The following ROBO2 variants were observed in gnomAD, a reference collection of about 807,000 sequenced individuals.
The protein encoded by ROBO2 is roundabout guidance receptor 2, also known as roundabout homolog 2.
ROBO2 carries 53 observed loss-of-function variants against 160.8 expected under a neutral mutation model. The observed-to-expected ratio is 0.33, with a 90% CI of 0.26 to 0.41. The LOEUF is 0.41. Among genes scored for constraint, ROBO2 ranks in the 10% least tolerant of loss-of-function variants. The pLI is 1.00. For synonymous variants in ROBO2, 664 were observed against 611.7 expected, an observed-to-expected ratio of 1.09 and a Z score of -1.26; for missense variants, 1,577 against 1,722.4, an observed-to-expected ratio of 0.92 and a Z score of 1.49.
At chr3:77,295,955 A>G (rs928569748) in intron 2 of ROBO2, among the ~76,000 whole-genome samples, 3 of 112,500 alleles carry the variant, frequency 2.7e-5, no homozygotes, top group Non-Finnish European at 6.2e-5. Context: ...TAAACGGGTA[A>G]GCTGAGGCTA....
intron 2 of ROBO2, among the ~76,000 whole-genome samples, chr3:76,734,887 T>C (rs868675458): frequency 1.3e-5 from 2 of 152,158 alleles, no homozygotes; most frequent in African/African-American, 4.8e-5. Flanking sequence ...TTTTCTCTCT[T>C]CAATAAATAA....
chr3:75,968,645 A>G (rs977673169), intron 2 of ROBO2, among the ~76,000 whole-genome samples: 1 of 151,602 alleles, frequency 6.6e-6, no homozygotes, highest in Non-Finnish European at 1.5e-5. Context: ...ATACAATATT[A>G]TTAACTATTG....
intron 2 of ROBO2, among the ~76,000 whole-genome samples, chr3:77,123,543 G>A (rs562144147): frequency 5.3e-5 from 8 of 152,076 alleles, no homozygotes; most frequent in African/African-American, 1.9e-4. Context: ...GCTTGTTTTG[G>A]TGTGTATTAA....
chr3:75,988,648 T>C (rs558495226), intron 2 of ROBO2, among the ~76,000 whole-genome samples: 2 of 152,228 alleles, frequency 1.3e-5, no homozygotes, highest in East Asian at 3.9e-4. Context: ...TTAGCACTTA[T>C]TTTACTATGT....
chr3:76,982,918 A>G (rs2060170715), intron 2 of ROBO2, among the ~76,000 whole-genome samples: 1 of 152,224 alleles, frequency 6.6e-6, no homozygotes, highest in Non-Finnish European at 1.5e-5. Flanking sequence ...TACATGAACA[A>G]CAAAATATTC....
At chr3:76,520,664 C>T (rs530632542) in intron 2 of ROBO2, among the ~76,000 whole-genome samples, 1 of 152,216 alleles carries the variant, frequency 6.6e-6, no homozygotes, top group East Asian at 1.9e-4. Context: ...ACTGTGGGAC[C>T]TTGGAGCCTC....
intron 2 of ROBO2, among the ~76,000 whole-genome samples, chr3:76,782,314 T>C (rs1309316236): frequency 6.6e-6 from 1 of 150,810 alleles, no homozygotes; most frequent in Non-Finnish European, 1.5e-5. Flanking sequence ...TCTGATCTAC[T>C]CTGGAGAATT....
intron 2 of ROBO2, among the ~76,000 whole-genome samples, chr3:76,038,788 G>GTGTA (rs1210529552): frequency 2.2e-5 from 1 of 46,044 alleles, no homozygotes; most frequent in Non-Finnish European, 3.8e-5. Context: ...GTGTGTGTGT[G>GTGTA]TGTATGTATG....
intron 7 of ROBO2, among the ~76,000 whole-genome samples, chr3:77,547,662 C>T (rs898149825): frequency 6.6e-6 from 1 of 152,010 alleles, no homozygotes; most frequent in Non-Finnish European, 1.5e-5. Flanking sequence ...TCTGGATGGA[C>T]AAATGGCCTT....
chr3:76,272,919 T>TATATAAATATATA (rs1488386304), intron 2 of ROBO2, among the ~76,000 whole-genome samples: 1 of 21,546 alleles, frequency 4.6e-5, no homozygotes, highest in African/African-American at 1.1e-4. Flanking sequence ...ATATATAAAA[T>TATATAAATATATA]ATATATATTT....
exon 21 of ROBO2, chr3:77,607,898 C>G: frequency 6.2e-6 from 10 of 1,613,986 alleles, no homozygotes; most frequent in Non-Finnish European, 8.5e-6. Context: ...CCCCCCCAGT[C>G]CAGCCCCTTC....
At chr3:77,178,560 C>G (rs1435220606) in intron 2 of ROBO2, among the ~76,000 whole-genome samples, 1 of 151,976 alleles carries the variant, frequency 6.6e-6, no homozygotes, top group Non-Finnish European at 1.5e-5. Context: ...GGTGAGAATG[C>G]AAGCTCAAGA....
chr3:76,835,568 CAT>C (rs1380286810), intron 2 of ROBO2, among the ~76,000 whole-genome samples: 6 of 151,408 alleles, frequency 4.0e-5, no homozygotes, highest in African/African-American at 1.5e-4. Context: ...ATCGTTGATA[CAT>C]ATGTTAAGTT....
At chr3:76,313,433 TCAA>T (rs1183007309) in intron 2 of ROBO2, among the ~76,000 whole-genome samples, 1 of 152,230 alleles carries the variant, frequency 6.6e-6, no homozygotes, top group Non-Finnish European at 1.5e-5. Flanking sequence ...TACAATTTGT[TCAA>T]CATTATTTCC....
intron 2 of ROBO2, among the ~76,000 whole-genome samples, chr3:76,384,427 A>C (rs2076783137): frequency 1.3e-5 from 2 of 152,204 alleles, no homozygotes; most frequent in South Asian, 4.1e-4. Flanking sequence ...CAAAACAAAA[A>C]AGCAGAGAAA....
intron 1 of ROBO2, among the ~76,000 whole-genome samples, chr3:77,059,930 T>C (rs1238592324): frequency 6.6e-6 from 1 of 151,988 alleles, no homozygotes; most frequent in Non-Finnish European, 1.5e-5. Flanking sequence ...TCAGAGTATA[T>C]ACTACACCAG....
intron 1 of ROBO2, among the ~76,000 whole-genome samples, chr3:77,051,538 C>A (rs1054066673): frequency 6.6e-6 from 1 of 152,214 alleles, no homozygotes; most frequent in Non-Finnish European, 1.5e-5. Context: ...ATTTTTGAGG[C>A]TCTCAGTAAA....
At chr3:76,478,680 G>GT (rs1042265916) in intron 2 of ROBO2, among the ~76,000 whole-genome samples, 8,473 of 120,858 alleles carry the variant, frequency 0.07, 493 homozygotes, top group African/African-American at 0.14. Flanking sequence ...TTTTTTCTCT[G>GT]TTTTTTTTTT....
At chr3:76,014,263 G>C (rs539511770) in intron 2 of ROBO2, among the ~76,000 whole-genome samples, 9 of 133,898 alleles carry the variant, frequency 6.7e-5, no homozygotes, top group Admixed American at 1.5e-4. Flanking sequence ...TGTAATCCCA[G>C]AAGTAATATG....
Sources: gnomAD v4.1 joint callset for allele counts (sites outside exome capture counted in the v4.1 genomes callset) on GRCh38, gnomAD v4.1.1 for gene constraint, MANE v1.5 for transcripts, NCBI Gene and HGNC (gene_info 2026-07-23, HGNC 2026-07-21) for gene names.